The following CNOT2 variants were observed in gnomAD, a reference collection of about 807,000 sequenced individuals.
CNOT2 encodes the protein CCR4-NOT transcription complex subunit 2, also known as CC chemokine receptor 4-negative regulator of transcription 2.
A neutral mutation model predicts 72.1 loss-of-function variants in CNOT2; 7 were observed. The observed-to-expected ratio is 0.10, with a 90% CI of 0.06 to 0.18. The LOEUF (loss-of-function observed/expected upper bound fraction) is 0.18. CNOT2 is among the 10% of genes least tolerant of loss of function. The pLI, the probability that CNOT2 is intolerant of heterozygous loss-of-function variation, is 1.00. For missense variants in CNOT2, 345 were observed against 660.3 expected, an observed-to-expected ratio of 0.52 and a Z score of 5.23; for synonymous variants, 196 against 225.6, an observed-to-expected ratio of 0.87 and a Z score of 1.17.
intron 2 of CNOT2, among the ~76,000 whole-genome samples, chr12:70,290,997 T>C (rs1871798319): frequency 6.6e-6 from 1 of 152,178 alleles, no homozygotes; most frequent in African/African-American, 2.4e-5. Context: ...GCATTTAAGG[T>C]CATTTAGAAT....
chr12:70,272,797 G>C (rs1868281907), intron 1 of CNOT2, among the ~76,000 whole-genome samples: 1 of 152,046 alleles, frequency 6.6e-6, no homozygotes, highest in Non-Finnish European at 1.5e-5. Flanking sequence ...CCTCAGACCT[G>C]TAACACTTCC....
chr12:70,281,310 C>G (rs1593112471), intron 2 of CNOT2, among the ~76,000 whole-genome samples: 3 of 152,066 alleles, frequency 2.0e-5, no homozygotes, highest in African/African-American at 7.2e-5. Context: ...GCCTCGAACT[C>G]CTGACCTCGT....
chr12:70,339,472 A>G (rs1881203561), intron 11 of CNOT2, among the ~76,000 whole-genome samples: 1 of 152,050 alleles, frequency 6.6e-6, no homozygotes, highest in Non-Finnish European at 1.5e-5. Flanking sequence ...TACATATCCC[A>G]TGACTACTTG....
chr12:70,247,798 C>T (rs1160475346), intron 1 of CNOT2, among the ~76,000 whole-genome samples: 1 of 152,182 alleles, frequency 6.6e-6, no homozygotes. Flanking sequence ...ATCTATTAAA[C>T]TGAACTGTTG....
intron 1 of CNOT2, among the ~76,000 whole-genome samples, chr12:70,266,784 T>G (rs1489998291): frequency 6.6e-6 from 1 of 151,822 alleles, no homozygotes. Flanking sequence ...CTTTGTTTAC[T>G]TTTTGCATGG....
At chr12:70,310,033 G>A (rs1350412982) in intron 2 of CNOT2, among the ~76,000 whole-genome samples, 1 of 151,976 alleles carries the variant, frequency 6.6e-6, no homozygotes, top group Non-Finnish European at 1.5e-5. Flanking sequence ...GAGCAATACA[G>A]TGACTATTTA....
intron 3 of CNOT2, among the ~76,000 whole-genome samples, chr12:70,316,604 A>G (rs1877383741): frequency 1.3e-5 from 2 of 152,312 alleles, no homozygotes; most frequent in African/African-American, 2.4e-5. Context: ...GAAGGTTACA[A>G]ACTCTTAAAT....
intron 15 of CNOT2, 111 bp from the exon 16 acceptor site, chr12:70,353,718 A>C (rs1281555379): frequency 2.0e-6 from 3 of 1,481,494 alleles, no homozygotes; most frequent in African/African-American, 2.9e-5. Context: ...ATCTGTGTTG[A>C]TGTTGATTCA....
chr12:70,267,849 T>A (rs1959126363), intron 1 of CNOT2, among the ~76,000 whole-genome samples: 1 of 152,270 alleles, frequency 6.6e-6, no homozygotes, highest in South Asian at 2.1e-4. Flanking sequence ...AAATAAAGTT[T>A]TATTGGAATA....
intron 1 of CNOT2, among the ~76,000 whole-genome samples, chr12:70,261,016 T>C (rs950590539): frequency 1.3e-5 from 2 of 152,028 alleles, no homozygotes; most frequent in Non-Finnish European, 2.9e-5. Context: ...TGTTTTTTTT[T>C]CCATGGATAC....
At chr12:70,272,695 C>G (rs1868274953) in intron 1 of CNOT2, among the ~76,000 whole-genome samples, 1 of 152,148 alleles carries the variant, frequency 6.6e-6, no homozygotes, top group Non-Finnish European at 1.5e-5. Context: ...ACACCAGCCT[C>G]CCATGGGTCC....
At position 70,306,662 on chromosome 12, in the gene CNOT2, TAAC is replaced by T. The variant is rs147609416; in HGVS notation, c.49-4230_49-4228del. On this transcript the variant is annotated intron_variant, in intron 2 of 15. Transcript: ENST00000229195. ...AGTGTCAAGTAAAAAGGTGGTCACT[TAAC>T]AAAGTATATATAAGCCCTTGACTTG... Among the ~76,000 whole-genome samples, 1,070 of 152,324 alleles carry T rather than the reference TAAC, an allele frequency of 7.0e-3. 5 individuals are homozygous for T. The highest frequency in any genetic ancestry group is 0.023 in the African/African-American group (965 of 41,578).
intron 7 of CNOT2, among the ~76,000 whole-genome samples, chr12:70,334,208 T>C (rs192944448): frequency 6.6e-6 from 1 of 152,036 alleles, no homozygotes; most frequent in African/African-American, 2.4e-5. Flanking sequence ...TCATTTATAA[T>C]CAAAGAATTT....
At chr12:70,253,232 T>C (rs1958238341) in intron 1 of CNOT2, among the ~76,000 whole-genome samples, 1 of 152,228 alleles carries the variant, frequency 6.6e-6, no homozygotes, top group Non-Finnish European at 1.5e-5. Flanking sequence ...TTTTTCAACC[T>C]GAATAGTGCA....
At chr12:70,310,776 T>C in intron 2 of CNOT2, 119 bp from the exon 3 acceptor site, 3 of 737,036 alleles carry the variant, frequency 4.1e-6, no homozygotes, top group Non-Finnish European at 6.6e-6. Context: ...TAGCCATTAG[T>C]TGATCAATTT....
At chr12:70,256,787 A>G (rs1958471885) in intron 1 of CNOT2, among the ~76,000 whole-genome samples, 2 of 152,124 alleles carry the variant, frequency 1.3e-5, no homozygotes, top group African/African-American at 2.4e-5. Flanking sequence ...TTATTAAGGT[A>G]ATATGGGGGA....
intron 2 of CNOT2, among the ~76,000 whole-genome samples, chr12:70,306,832 C>T (rs1000916539): frequency 6.6e-6 from 1 of 152,196 alleles, no homozygotes; most frequent in Admixed American, 6.5e-5. Flanking sequence ...AGAAATGCGT[C>T]AGGCACTTTT....
intron 3 of CNOT2, among the ~76,000 whole-genome samples, chr12:70,318,312 C>T (rs1200865583): frequency 6.6e-6 from 1 of 151,876 alleles, no homozygotes; most frequent in Non-Finnish European, 1.5e-5. Context: ...TGAACTTTAT[C>T]TCCTTTCATA....
chr12:70,272,027 TG>T (rs1383338581), intron 1 of CNOT2, among the ~76,000 whole-genome samples: 1 of 152,198 alleles, frequency 6.6e-6, no homozygotes, highest in Non-Finnish European at 1.5e-5. Context: ...GTATTTGATT[TG>T]GCAGGAACTA....
Sources: gnomAD v4.1 joint callset for allele counts (sites outside exome capture counted in the v4.1 genomes callset) on GRCh38, gnomAD v4.1.1 for gene constraint, MANE v1.5 for transcripts, NCBI Gene and HGNC (gene_info 2026-07-23, HGNC 2026-07-21) for gene names.